Variants in CHST15 observed in about 807,000 individuals in gnomAD.
CHST15 encodes the protein carbohydrate sulfotransferase 15.
A neutral mutation model predicts 53.6 loss-of-function variants in CHST15; 30 were observed. The ratio of observed to expected loss-of-function variants is 0.56; its 90% CI spans 0.42 to 0.76. The LOEUF (loss-of-function observed/expected upper bound fraction) is 0.76, where lower values mean the gene tolerates loss of function less well. Ranked by LOEUF, CHST15 falls within the 30% of genes least tolerant of loss-of-function variation. CHST15 has a pLI of 0.00. For synonymous variants in CHST15, 296 were observed against 289.8 expected, an observed-to-expected ratio of 1.02 and a Z score of -0.22; for missense variants, 627 against 740.5, an observed-to-expected ratio of 0.85 and a Z score of 1.78.
chr10:124,082,200 G>A (rs1176162228), intron 1 of CHST15, among the ~76,000 whole-genome samples: 3 of 152,184 alleles, frequency 2.0e-5, no homozygotes, highest in Admixed American at 1.3e-4. Flanking sequence ...ACCACCATCT[G>A]TTCACCCAAC....
intron 1 of CHST15, among the ~76,000 whole-genome samples, chr10:124,090,859 A>C (rs1231901959): frequency 6.6e-6 from 1 of 152,234 alleles, no homozygotes; most frequent in African/African-American, 2.4e-5. Flanking sequence ...ATCCTGGATG[A>C]ATTACCCCTG....
At chr10:124,067,968 C>T (rs1364693296) in intron 1 of CHST15, among the ~76,000 whole-genome samples, 1 of 152,164 alleles carries the variant, frequency 6.6e-6, no homozygotes, top group Non-Finnish European at 1.5e-5. Flanking sequence ...TTTCAAGTTT[C>T]ATTAAAGGTT....
Position 124,069,231 on chromosome 10 carries a change from C to T in CHST15, c.-512-22507G>A, listed in dbSNP as rs76654379. ...TGAGTTCCTACATCCTGTAGTCCTC[C>T]TGAATATAGAGAGGATGGGTTCAAC... On this transcript the variant is annotated intron_variant, in intron 1 of 7. Coordinates refer to ENST00000435907, the MANE Select transcript of CHST15 (RefSeq NM_001270764.2). Among the ~76,000 whole-genome samples, 670 of 152,346 alleles carry T rather than the reference C, an allele frequency of 4.4e-3. 4 individuals are homozygous for T. Among genetic ancestry groups the T allele is most frequent in the African/African-American group, 0.016 (655 of 41,582 alleles).
rs766997151 is a variant in CHST15, at chr10:124,045,906, G to C, written c.307C>G (p.Gln103Glu). The change falls in exon 2 of 8, where the codon CAA becomes GAA. Residue 103 changes from glutamine to glutamate, a missense_variant. Transcript: ENST00000435907. ...AAAGGTGATGAGATCAGAAGCTCTT[G>C]GTGGGCCCCAGAAAGGATGTAAGAA... ...MASYILSGAH[Q>E]ELLISSPFHY... is the part of the protein sequence containing the mutation. The C allele has an allele frequency of 1.9e-6, 3 of 1,613,974 alleles. No homozygotes were observed. The highest frequency in any genetic ancestry group is 1.1e-5 in the South Asian group (1 of 91,050).
intron 5 of CHST15, among the ~76,000 whole-genome samples, chr10:124,022,103 G>T (rs1391448739): frequency 6.6e-6 from 1 of 152,080 alleles, no homozygotes; most frequent in Non-Finnish European, 1.5e-5. Context: ...CCCACTTCAG[G>T]CTCCTCTGTA....
Position 124,045,745 on chromosome 10 carries a change from G to A in CHST15, c.468C>T (p.Ile156=), listed in dbSNP as rs772141195. 8 of 1,614,028 alleles carry A rather than the reference G, an allele frequency of 5.0e-6. No homozygotes were observed. Among genetic ancestry groups the A allele is most frequent in the Admixed American group, 3.3e-5 (2 of 59,992 alleles). ...ACTCAATCCTAGTTGTGATGCTGTT[G>A]ATAATTAATTTAATGCTTGGATAGT... ...MKDYPSIKLI[I]NSITTRIEFT... The change falls in exon 2 of 8, where the codon ATC becomes ATT. Residue 156 remains isoleucine, a synonymous_variant. Transcript: ENST00000435907.
chr10:124,045,120 A>AAAC (rs1564881914), intron 2 of CHST15, among the ~76,000 whole-genome samples: 5 of 62,326 alleles, frequency 8.0e-5, no homozygotes, highest in East Asian at 9.8e-4. Context: ...CACAAAAAAA[A>AAAC]AAAAAAAAAA....
At chr10:124,080,117 G>C (rs751961356) in intron 1 of CHST15, among the ~76,000 whole-genome samples, 1 of 152,224 alleles carries the variant, frequency 6.6e-6, no homozygotes, top group Non-Finnish European at 1.5e-5. Context: ...TGCAGCAGCT[G>C]CAGGCCAGCG....
chr10:124,069,445 A>G (rs1223047199), intron 1 of CHST15, among the ~76,000 whole-genome samples: 2 of 152,204 alleles, frequency 1.3e-5, no homozygotes, highest in Non-Finnish European at 2.9e-5. Flanking sequence ...CATTGCAAGA[A>G]TCATCGGGGC....
At chr10:124,033,193 C>T (rs1028352744) in intron 5 of CHST15, among the ~76,000 whole-genome samples, 1 of 152,210 alleles carries the variant, frequency 6.6e-6, no homozygotes, top group Non-Finnish European at 1.5e-5. Flanking sequence ...GGGAAACGCG[C>T]CAACCATTTC....
At chr10:124,051,279 T>A (rs1040627556) in intron 1 of CHST15, among the ~76,000 whole-genome samples, 1 of 152,090 alleles carries the variant, frequency 6.6e-6, no homozygotes, top group Non-Finnish European at 1.5e-5. Flanking sequence ...TAAATATACA[T>A]AGTAAAATAT....
At chr10:124,012,998 C>T (rs1946462669) in intron 6 of CHST15, among the ~76,000 whole-genome samples, 1 of 152,228 alleles carries the variant, frequency 6.6e-6, no homozygotes, top group African/African-American at 2.4e-5. Flanking sequence ...ACCAAGTACA[C>T]AGGAGGATGT....
intron 1 of CHST15, among the ~76,000 whole-genome samples, chr10:124,067,209 G>A (rs567644303): frequency 8.5e-5 from 13 of 152,356 alleles, no homozygotes; most frequent in South Asian, 4.1e-4. Context: ...TTCAGAGCAT[G>A]AAGCCCAGAT....
Position 124,009,675 on chromosome 10 carries a change from ACAGT to A in CHST15, c.*470_*473del. On this transcript the variant is annotated 3_prime_UTR_variant, in exon 8 of 8. Coordinates refer to ENST00000435907, the MANE Select transcript of CHST15 (RefSeq NM_001270764.2). ...CTGTGAAGATAGCCATTGAATACAG[ACAGT>A]CTGTGCAACACGGCGAGACCCCATC... 3 of 1,007,404 alleles carry A rather than the reference ACAGT, an allele frequency of 3.0e-6. No homozygotes were observed. Among genetic ancestry groups the A allele is most frequent in the Non-Finnish European group, 3.6e-6 (3 of 842,082 alleles). 62.4% of individuals were successfully genotyped at this position (1,007,404 alleles called of 1,614,324 possible). A position where few individuals can be genotyped will look rare whatever the true frequency, so the allele number is the denominator to read the frequency against.
chr10:124,062,474 G>A (rs1262781334), intron 1 of CHST15, among the ~76,000 whole-genome samples: 13 of 152,152 alleles, frequency 8.5e-5, no homozygotes, highest in African/African-American at 2.4e-4. Flanking sequence ...GCACTTCGGT[G>A]CCTCCCTTCG....
intron 1 of CHST15, among the ~76,000 whole-genome samples, chr10:124,085,344 TCC>T (rs1428398199): frequency 3.3e-5 from 5 of 152,146 alleles, no homozygotes; most frequent in African/African-American, 4.8e-5. Flanking sequence ...CATAACATTT[TCC>T]CCTAAGGCTC....
chr10:124,086,029 G>C (rs1949411533), intron 1 of CHST15, among the ~76,000 whole-genome samples: 1 of 152,188 alleles, frequency 6.6e-6, no homozygotes, highest in South Asian at 2.1e-4. Context: ...AGAGGAGGCA[G>C]AGAAGCTTCT....
At chr10:124,020,113 G>A (rs1946722143) in intron 6 of CHST15, 6 of 985,444 alleles carry the variant, frequency 6.1e-6, no homozygotes, top group Non-Finnish European at 7.2e-6. Flanking sequence ...TCCTGGCATT[G>A]CTGTGGCCCC....
chr10:124,055,626 G>A (rs1444785898), intron 1 of CHST15, among the ~76,000 whole-genome samples: 4 of 152,168 alleles, frequency 2.6e-5, no homozygotes, highest in Non-Finnish European at 5.9e-5. Flanking sequence ...AGCTGGCCAG[G>A]ATCATTCGGG....
Sources: gnomAD v4.1 joint callset for allele counts (sites outside exome capture counted in the v4.1 genomes callset) on GRCh38, gnomAD v4.1.1 for gene constraint, MANE v1.5 for transcripts, NCBI Gene and HGNC (gene_info 2026-07-23, HGNC 2026-07-21) for gene names.